Variants in GDAP1L1 observed in about 807,000 individuals in gnomAD.
GDAP1L1 encodes the protein ganglioside induced differentiation associated protein 1 like 1, also known as ganglioside-induced differentiation-associated protein 1-like 1.
Under a neutral mutation model 37.1 loss-of-function variants are expected in GDAP1L1, and 21 were observed. That is an observed-to-expected ratio of 0.57 (90% CI 0.40 to 0.81). The LOEUF (loss-of-function observed/expected upper bound fraction) is 0.81. Ranked by LOEUF, GDAP1L1 falls within the 40% of genes least tolerant of loss-of-function variation. GDAP1L1 has a pLI of 0.00. For missense variants in GDAP1L1, 362 were observed against 491.6 expected, an observed-to-expected ratio of 0.74 and a Z score of 2.49; for synonymous variants, 193 against 209.1, an observed-to-expected ratio of 0.92 and a Z score of 0.67.
intron 5 of GDAP1L1, among the ~76,000 whole-genome samples, chr20:44,270,651 C>T (rs1230979718): frequency 1.3e-5 from 2 of 152,148 alleles, no homozygotes; most frequent in Non-Finnish European, 2.9e-5. Context: ...TCCAAGCTGC[C>T]TTATTCATGT....
chr20:44,276,440 G>GAAAGAAAGAAAGAAAGAAAT (rs2062580175), intron 5 of GDAP1L1, among the ~76,000 whole-genome samples: 1 of 138,904 alleles, frequency 7.2e-6, no homozygotes, highest in Non-Finnish European at 1.6e-5. Context: ...AAGAAAGAAA[G>GAAAGAAAGAAAGAAAGAAAT]AAAGAAAGAA....
chr20:44,252,576 G>A (rs1046197958), intron 1 of GDAP1L1, among the ~76,000 whole-genome samples: 1 of 152,204 alleles, frequency 6.6e-6, no homozygotes, highest in Non-Finnish European at 1.5e-5. Flanking sequence ...GGAGGCGGAG[G>A]TTGCAGTCAG....
chr20:44,279,575 G>A lies in GDAP1L1; in HGVS notation c.*275G>A, dbSNP rs1473550466. 1.6e-5 allele frequency: 9 copies of A among 569,728 alleles called. No individual in the cohort carries two copies. The highest frequency in any genetic ancestry group is 3.7e-5 in the African/African-American group (2 of 53,790). 35.3% of individuals were successfully genotyped at this position (569,728 alleles called of 1,614,324 possible). ...AGAAAACACGAATGCCTTTTCTATC[G>A]ATTCAAGGTCTCAAGATGGAACTGT... On this transcript the variant is annotated 3_prime_UTR_variant, in exon 6 of 6. Transcript: ENST00000342560.
intron 1 of GDAP1L1, 96 bp downstream of exon 1, chr20:44,247,610 A>T: frequency 8.5e-7 from 1 of 1,177,436 alleles, no homozygotes; most frequent in Non-Finnish European, 1.2e-6. Context: ...GAAAGACTGG[A>T]GGGGGGAACC....
intron 5 of GDAP1L1, among the ~76,000 whole-genome samples, chr20:44,273,317 T>C (rs1415624512): frequency 6.6e-6 from 1 of 152,222 alleles, no homozygotes; most frequent in Non-Finnish European, 1.5e-5. Flanking sequence ...CTTCTTCTCA[T>C]GTCCCTTGCT....
intron 1 of GDAP1L1, among the ~76,000 whole-genome samples, chr20:44,253,752 C>T (rs986503823): frequency 1.8e-4 from 27 of 152,252 alleles, no homozygotes; most frequent in Admixed American, 1.8e-3. Context: ...CCTTCCTCCA[C>T]AGGGTGACAC....
At chr20:44,262,861 G>C (rs1337087116) in intron 3 of GDAP1L1, among the ~76,000 whole-genome samples, 1 of 151,682 alleles carries the variant, frequency 6.6e-6, no homozygotes, top group Non-Finnish European at 1.5e-5. Flanking sequence ...GGACTATGGT[G>C]TGCACCACTA....
chr20:44,259,458 C>G (rs2073633256), intron 3 of GDAP1L1, among the ~76,000 whole-genome samples: 1 of 151,842 alleles, frequency 6.6e-6, no homozygotes, highest in African/African-American at 2.4e-5. Context: ...CAACCCTGTC[C>G]CTTGAGAACC....
chr20:44,250,876 C>T (rs1156422520), intron 1 of GDAP1L1, among the ~76,000 whole-genome samples: 3 of 152,118 alleles, frequency 2.0e-5, no homozygotes, highest in East Asian at 3.9e-4. Flanking sequence ...CTGCCAGTCC[C>T]ACTAACTGGC....
chr20:44,278,038 C>A (rs2062602116), intron 5 of GDAP1L1, among the ~76,000 whole-genome samples: 1 of 151,166 alleles, frequency 6.6e-6, no homozygotes. Context: ...CCTGTAATCC[C>A]AGCTATTAGG....
chr20:44,262,680 G>A (rs1034483794), intron 3 of GDAP1L1, among the ~76,000 whole-genome samples: 4 of 151,794 alleles, frequency 2.6e-5, no homozygotes, highest in African/African-American at 9.7e-5. Context: ...TTTTTTAACT[G>A]TGTATTTTAT....
intron 2 of GDAP1L1, among the ~76,000 whole-genome samples, chr20:44,257,849 C>T (rs909308097): frequency 2.6e-5 from 4 of 152,016 alleles, no homozygotes; most frequent in Non-Finnish European, 5.9e-5. Flanking sequence ...AGGGGAAGGC[C>T]CAGACACCCC....
At chr20:44,275,258 T>C (rs1474022572) in intron 5 of GDAP1L1, among the ~76,000 whole-genome samples, 1 of 152,218 alleles carries the variant, frequency 6.6e-6, no homozygotes, top group African/African-American at 2.4e-5. Flanking sequence ...CATTACACTT[T>C]ACCCCTTTCC....
At chr20:44,273,418 C>T (rs928959556) in intron 5 of GDAP1L1, among the ~76,000 whole-genome samples, 6 of 152,304 alleles carry the variant, frequency 3.9e-5, no homozygotes, top group Admixed American at 6.5e-5. Context: ...ATCATGCAGT[C>T]TGCAGCTGGG....
At chr20:44,278,320 G>T (rs967923590) in intron 5 of GDAP1L1, among the ~76,000 whole-genome samples, 5 of 152,158 alleles carry the variant, frequency 3.3e-5, no homozygotes, top group Non-Finnish European at 7.3e-5. Context: ...CAGACACCAA[G>T]TGGAACTGTC....
chr20:44,248,313 C>G (rs898738642), intron 1 of GDAP1L1, among the ~76,000 whole-genome samples: 1 of 152,236 alleles, frequency 6.6e-6, no homozygotes, highest in East Asian at 1.9e-4. Flanking sequence ...ATCTCCCACC[C>G]TGGGCGGTTG....
At chr20:44,247,276 G>A, upstream of GDAP1L1, 1 of 1,559,446 alleles carries the variant, frequency 6.4e-7, no homozygotes, top group Non-Finnish European at 8.8e-7. Context: ...GTGATGCTGG[G>A]CGAGAGAGAG....
intron 5 of GDAP1L1, among the ~76,000 whole-genome samples, chr20:44,274,652 G>A (rs1338725841): frequency 1.3e-5 from 2 of 152,188 alleles, no homozygotes; most frequent in Non-Finnish European, 2.9e-5. Context: ...CTACCTGAAA[G>A]GCGGCTCCTT....
At chr20:44,276,775 C>T (rs76811102) in intron 5 of GDAP1L1, among the ~76,000 whole-genome samples, 4,019 of 152,296 alleles carry the variant, frequency 0.026, 73 homozygotes, top group Non-Finnish European at 0.041. Flanking sequence ...AATCCCTGCC[C>T]TCGTGGCGTT....
Sources: allele counts gnomAD v4.1 joint callset (sites outside exome capture counted in the v4.1 genomes callset), GRCh38; gene constraint gnomAD v4.1.1; transcripts MANE v1.5; gene names NCBI Gene and HGNC (gene_info 2026-07-23, HGNC 2026-07-21).